Variants in SERPINB12 observed in about 807,000 individuals in gnomAD.
The protein encoded by SERPINB12 is serpin family B member 12.
Under a neutral mutation model 41.1 loss-of-function variants are expected in SERPINB12, and 57 were observed. That is an observed-to-expected ratio of 1.39 (90% CI 1.12 to 1.73). The LOEUF is 1.73. Ranked by LOEUF, SERPINB12 falls within the 40% of genes most tolerant of loss-of-function variation. The pLI, the probability that SERPINB12 is intolerant of heterozygous loss-of-function variation, is 0.00. For synonymous variants in SERPINB12, 180 were observed against 181.3 expected (o/e 0.99, Z 0.06); for missense variants, 536 against 501.9 (o/e 1.07, Z -0.65).
chr18:63,536,426 C>T, the SERPINB12 span, among the ~76,000 whole-genome samples: 1 of 151,888 alleles, frequency 6.6e-6, no homozygotes. Flanking sequence ...CCTACAATTG[C>T]CAATGAATAT....
intron 2 of SERPINB12, 136 bp from the exon 3 acceptor site, chr18:63,558,216 T>A: frequency 2.0e-6 from 2 of 1,012,728 alleles, no homozygotes; most frequent in Non-Finnish European, 2.8e-6. Context: ...AAGCACCCAC[T>A]TTCCTTTAAA....
upstream of SERPINB12, among the ~76,000 whole-genome samples, chr18:63,538,880 C>T (rs140034979): frequency 2.6e-5 from 4 of 152,224 alleles, no homozygotes; most frequent in Non-Finnish European, 5.9e-5. Flanking sequence ...AAATTATAAC[C>T]ATCCCAGTGT....
chr18:63,561,182 G>C lies in SERPINB12; in HGVS notation c.542G>C (p.Trp181Ser). Residue 181 changes from tryptophan (W) to serine (S), a missense_variant, in exon 5 of 8, where the codon TGG becomes TCG. By Grantham distance (177) the Trp-to-Ser change is radical. Transcript: ENST00000382768. ...PEKSRQEINF[W>S]VECQSQGKIK... ...AAATCCAGACAAGAGATTAACTTCT[G>C]GGTTGAATGTCAATCCCAAGGTAAG... 6.2e-7 allele frequency: 1 copy of C among 1,608,908 alleles called. No homozygotes were observed. Among genetic ancestry groups the C allele is most frequent in the Non-Finnish European group, 8.5e-7 (1 of 1,175,556 alleles).
intron 2 of SERPINB12, among the ~76,000 whole-genome samples, chr18:63,557,449 C>T (rs1910716125): frequency 6.6e-6 from 1 of 152,108 alleles, no homozygotes. Flanking sequence ...CATGGTTGGC[C>T]TTATACTTCC....
the SERPINB12 span, among the ~76,000 whole-genome samples, chr18:63,537,178 G>C: frequency 6.6e-6 from 1 of 152,300 alleles, no homozygotes; most frequent in East Asian, 1.9e-4. Context: ...ATCATGGACT[G>C]ATTGCCAGCA....
intron 1 of SERPINB12, among the ~76,000 whole-genome samples, chr18:63,554,655 T>C (rs978659078): frequency 6.6e-6 from 1 of 152,206 alleles, no homozygotes; most frequent in Non-Finnish European, 1.5e-5. Flanking sequence ...CTTGATACTC[T>C]GGAATAGATT....
chr18:63,533,218 C>T, the SERPINB12 span, among the ~76,000 whole-genome samples: 14 of 152,270 alleles, frequency 9.2e-5, no homozygotes, highest in Admixed American at 2.6e-4. Flanking sequence ...CCTCGTGATC[C>T]GCCCACCTTG....
rs1305631447 is a variant in SERPINB12, at chr18:63,564,198, C to T, written c.705+78C>T. On this transcript the variant is annotated intron_variant, in intron 6 of 7. Transcript: ENST00000382768. ...AGGAATGATTTACAATATGTATACTCGAAAAGTTACAGCTTACATTTACAA... is the reference window on the plus strand; with the variant it reads ...AGGAATGATTTACAATATGTATACTTGAAAAGTTACAGCTTACATTTACAA... 20 of 1,394,554 alleles carry T rather than the reference C, an allele frequency of 1.4e-5. 1 individual carries two copies. Among genetic ancestry groups the T allele is most frequent in the East Asian group, 1.4e-4 (6 of 42,520 alleles). 86.4% of individuals were successfully genotyped at this position (1,394,554 alleles called of 1,614,324 possible). A position where few individuals can be genotyped will look rare whatever the true frequency, so the allele number is the denominator to read the frequency against.
At chr18:63,532,187 G>A in the SERPINB12 span, among the ~76,000 whole-genome samples, 2 of 152,120 alleles carry the variant, frequency 1.3e-5, no homozygotes, top group Non-Finnish European at 2.9e-5. Context: ...CACAGATATA[G>A]GACACAATCA....
chr18:63,559,000 TTCC>T (rs1451194786), intron 3 of SERPINB12, among the ~76,000 whole-genome samples: 33 of 40,200 alleles, frequency 8.2e-4, no homozygotes, highest in African/African-American at 5.0e-3. Flanking sequence ...CTTTCTTTCC[TTCC>T]TTCTTTCTTT....
At chr18:63,530,659 A>C in the SERPINB12 span, among the ~76,000 whole-genome samples, 1 of 152,190 alleles carries the variant, frequency 6.6e-6, no homozygotes, top group Non-Finnish European at 1.5e-5. Flanking sequence ...TTGACAACAT[A>C]ATCAGGCCGT....
the SERPINB12 span, among the ~76,000 whole-genome samples, chr18:63,527,833 T>C: frequency 6.6e-6 from 1 of 152,198 alleles, no homozygotes; most frequent in South Asian, 2.1e-4. Flanking sequence ...ATGGTTTGGC[T>C]GTGTCCCCAC....
chr18:63,559,068 TCTCTCCTTCTCTCCTTCTC>T (rs1568129390), intron 3 of SERPINB12, among the ~76,000 whole-genome samples: 16 of 27,516 alleles, frequency 5.8e-4, no homozygotes, highest in Admixed American at 1.3e-3. Context: ...CTCTCCTTCT[TCTCTCCTTCTCTCCTTCTC>T]TCTTTCTCTC....
intron 5 of SERPINB12, among the ~76,000 whole-genome samples, chr18:63,561,656 T>C (rs144757318): frequency 6.6e-6 from 1 of 152,104 alleles, no homozygotes; most frequent in Non-Finnish European, 1.5e-5. Flanking sequence ...CCATCAATAG[T>C]GGGTTGGATA....
At chr18:63,543,483 A>G (rs958883412) in intron 1 of SERPINB12, among the ~76,000 whole-genome samples, 2 of 152,230 alleles carry the variant, frequency 1.3e-5, no homozygotes, top group African/African-American at 4.8e-5. Context: ...TAATTGTTCA[A>G]CAAATGAATG....
chr18:63,527,057 T>C, the SERPINB12 span, among the ~76,000 whole-genome samples: 1 of 152,214 alleles, frequency 6.6e-6, no homozygotes, highest in Non-Finnish European at 1.5e-5. Context: ...ACCTCAGTCC[T>C]GTATGTGGTC....
At chr18:63,547,390 A>G (rs1193113395) in intron 1 of SERPINB12, among the ~76,000 whole-genome samples, 1 of 152,010 alleles carries the variant, frequency 6.6e-6, no homozygotes, top group African/African-American at 2.4e-5. Context: ...GTTGGAAAAC[A>G]CTTTCGATGG....
chr18:63,519,909 A>G, the SERPINB12 span, among the ~76,000 whole-genome samples: 1 of 152,256 alleles, frequency 6.6e-6, no homozygotes, highest in South Asian at 2.1e-4. Flanking sequence ...GCAGTTTCCA[A>G]GGATCCTGTG....
At chr18:63,522,003 G>A in the SERPINB12 span, among the ~76,000 whole-genome samples, 7 of 152,294 alleles carry the variant, frequency 4.6e-5, no homozygotes, top group South Asian at 8.3e-4. Flanking sequence ...AATGAAAAGC[G>A]TATTATAGCT....
Sources: allele counts gnomAD v4.1 joint callset (sites outside exome capture counted in the v4.1 genomes callset), GRCh38; gene constraint gnomAD v4.1.1; transcripts MANE v1.5; gene names NCBI Gene and HGNC (gene_info 2026-07-23, HGNC 2026-07-21).